The following IREB2 variants were observed in gnomAD, a reference collection of about 807,000 sequenced individuals.
The protein encoded by IREB2 is iron-responsive element-binding protein 2.
Under a neutral mutation model 118.8 loss-of-function variants are expected in IREB2, and 39 were observed. The observed-to-expected ratio is 0.33, with a 90% CI of 0.25 to 0.43. The LOEUF (loss-of-function observed/expected upper bound fraction) is 0.43. IREB2 is among the 20% of genes least tolerant of loss of function. The pLI is 1.00. For missense variants in IREB2, 900 were observed against 1,147.3 expected, an observed-to-expected ratio of 0.78 and a Z score of 3.11; for synonymous variants, 372 against 392.2, an observed-to-expected ratio of 0.95 and a Z score of 0.61.
chr15:78,466,538 G>C, intron 5 of IREB2, 49 bp downstream of exon 5: 1 of 1,305,530 alleles, frequency 7.7e-7, no homozygotes, highest in East Asian at 2.4e-5. Context: ...TTATTTTCCA[G>C]TTAAGAAAAT....
At chr15:78,479,533 A>G (rs893121103) in intron 10 of IREB2, among the ~76,000 whole-genome samples, 2 of 151,730 alleles carry the variant, frequency 1.3e-5, no homozygotes, top group African/African-American at 4.8e-5. Flanking sequence ...CACCAAGCCC[A>G]GCCTATGAAG....
chr15:78,479,080 C>T (rs117846144), intron 10 of IREB2, among the ~76,000 whole-genome samples: 304 of 152,122 alleles, frequency 2.0e-3, no homozygotes, highest in South Asian at 7.9e-3. Flanking sequence ...CACCACCATG[C>T]TTAACCCCTG....
intron 2 of IREB2, 70 bp downstream of exon 2, chr15:78,439,951 C>A: frequency 2.1e-6 from 2 of 942,792 alleles, no homozygotes; most frequent in Non-Finnish European, 3.4e-6. Flanking sequence ...TCAAGCTGAG[C>A]TGAAGAAATT....
intron 3 of IREB2, among the ~76,000 whole-genome samples, chr15:78,464,789 TACC>T (rs2051253739): frequency 6.6e-6 from 1 of 152,220 alleles, no homozygotes; most frequent in Non-Finnish European, 1.5e-5. Flanking sequence ...TTTGGCCTTG[TACC>T]ATTGGTGTCT....
chr15:78,447,902 C>CA (rs2050958567), intron 2 of IREB2, among the ~76,000 whole-genome samples: 3 of 152,218 alleles, frequency 2.0e-5, no homozygotes, highest in African/African-American at 7.2e-5. Flanking sequence ...TGCCACTGGC[C>CA]AGACTGTAAA....
intron 5 of IREB2, among the ~76,000 whole-genome samples, chr15:78,467,589 G>A (rs1013230867): frequency 6.6e-6 from 1 of 151,908 alleles, no homozygotes; most frequent in Non-Finnish European, 1.5e-5. Context: ...TACTTGGGTG[G>A]CTGAGGCATG....
rs141558021 is a variant in IREB2, at chr15:78,483,390, G to C, written c.1369G>C (p.Val457Leu). 45 of 1,607,882 alleles carry C rather than the reference G, an allele frequency of 2.8e-5. No individual in the cohort carries two copies. Among genetic ancestry groups the C allele is most frequent in the African/African-American group, 4.0e-5 (3 of 74,764 alleles). ...AAAAAGACCTCAGGATAGAGTTGCT[G>C]TGACAGATATGAAAAGCGATTTCCA... ...GPKRPQDRVA[V>L]TDMKSDFQAC... Residue 457 changes from valine (V) to leucine (L), a missense_variant, in exon 11 of 22, where the codon GTG becomes CTG. Transcript: ENST00000258886.
chr15:78,460,855 A>T (rs2051184819), intron 2 of IREB2, among the ~76,000 whole-genome samples: 1 of 152,032 alleles, frequency 6.6e-6, no homozygotes, highest in Admixed American at 6.6e-5. Flanking sequence ...GCTTCATTTT[A>T]AAAAAAATTA....
chr15:78,439,997 C>T (rs2050820307), intron 2 of IREB2, 116 bp downstream of exon 2: 2 of 662,410 alleles, frequency 3.0e-6, no homozygotes, highest in Non-Finnish European at 5.3e-6. Flanking sequence ...ACAGGTACAC[C>T]TACACATACC....
At position 78,498,168 on chromosome 15, in the gene IREB2, CAT is replaced by C. The variant is rs755810404; in HGVS notation, c.*27_*28del. The C allele has an allele frequency of 7.5e-5, 97 of 1,300,132 alleles. No homozygotes were observed. Among genetic ancestry groups the C allele is most frequent in the Non-Finnish European group, 1.1e-4 (95 of 894,820 alleles). 80.5% of individuals were successfully genotyped at this position (1,300,132 alleles called of 1,614,324 possible). ...GTATCTACTTACCATAGATACCTTT[CAT>C]AACTGGTAACTGCAAAGCCTTTTGT... On this transcript the variant is annotated 3_prime_UTR_variant, in exon 22 of 22. Coordinates refer to ENST00000258886, the MANE Select transcript of IREB2 (RefSeq NM_004136.4).
At chr15:78,494,108 T>C (rs1408663544) in intron 19 of IREB2, 34 bp from the exon 20 acceptor site, 1 of 1,612,946 alleles carries the variant, frequency 6.2e-7, no homozygotes, top group Non-Finnish European at 8.5e-7. Flanking sequence ...TCAAAATTTG[T>C]ATTAAAAAAT....
chr15:78,462,389 A>G (rs189773908), intron 2 of IREB2, among the ~76,000 whole-genome samples: 15 of 152,324 alleles, frequency 9.8e-5, no homozygotes, highest in African/African-American at 1.9e-4. Context: ...CACTTTCTCA[A>G]TTGTGTCCTT....
intron 6 of IREB2, 169 bp downstream of exon 6, chr15:78,470,770 C>T (rs1287278826): frequency 7.7e-6 from 3 of 391,124 alleles, no homozygotes; most frequent in Non-Finnish European, 1.4e-5. Flanking sequence ...TCTCAGCTTA[C>T]TGCAGCCTCC....
intron 8 of IREB2, chr15:78,475,825 C>T (rs28602670): frequency 1.5e-4 from 23 of 157,476 alleles, no homozygotes; most frequent in Non-Finnish European, 2.7e-4. Flanking sequence ...GCGCTCCAGC[C>T]TGGGCAACAG....
intron 6 of IREB2, chr15:78,470,934 A>G (rs919772993): frequency 3.3e-4 from 53 of 159,952 alleles, no homozygotes; most frequent in Non-Finnish European, 4.5e-4. Context: ...GCCTCAGGCA[A>G]TCTGCCTGCC....
intron 18 of IREB2, among the ~76,000 whole-genome samples, chr15:78,491,084 A>T (rs759828844): frequency 6.6e-6 from 1 of 152,158 alleles, no homozygotes; most frequent in Non-Finnish European, 1.5e-5. Context: ...GGTTTTACCT[A>T]CCAAATGAAG....
At position 78,497,294 on chromosome 15, in the gene IREB2, A is replaced by G; in HGVS notation, c.2764A>G (p.Ile922Val). ...LTFPEELSPG[I>V]TLNIQTSTGK... is the part of the protein sequence containing the mutation. ...ATTTCCTGAAGAACTGTCTCCTGGA[A>G]TTACATTGAATATACAGGTATCTCT... is the stretch of plus-strand genomic sequence containing the variant. Residue 922 changes from isoleucine (I) to valine (V), a missense_variant, in exon 21 of 22, where the codon ATT becomes GTT. Coordinates refer to ENST00000258886, the MANE Select transcript of IREB2 (RefSeq NM_004136.4). The G allele has an allele frequency of 6.2e-7, 1 of 1,611,738 alleles. No individual in the cohort carries two copies. The highest frequency in any genetic ancestry group is 8.5e-7 in the Non-Finnish European group (1 of 1,177,822).
At chr15:78,497,973 C>T in intron 21 of IREB2, 60 bp from the exon 22 acceptor site, 1 of 902,790 alleles carries the variant, frequency 1.1e-6, no homozygotes, top group Non-Finnish European at 1.8e-6. Flanking sequence ...ATGGTCTTAA[C>T]CATCAAGTAG....
intron 2 of IREB2, among the ~76,000 whole-genome samples, chr15:78,455,569 GA>G (rs199544266): frequency 3.5e-4 from 34 of 98,438 alleles, no homozygotes; most frequent in African/African-American, 1.0e-3. Context: ...CATCTCTATT[GA>G]AAAAAAAAAG....
Sources: gnomAD v4.1 joint callset for allele counts (sites outside exome capture counted in the v4.1 genomes callset) on GRCh38, gnomAD v4.1.1 for gene constraint, MANE v1.5 for transcripts, NCBI Gene and HGNC (gene_info 2026-07-23, HGNC 2026-07-21) for gene names.